Variants in CD209 observed in about 807,000 individuals in gnomAD.
CD209 encodes CD209 molecule.
CD209 carries 31 observed loss-of-function variants against 44.7 expected under a neutral mutation model. The observed-to-expected ratio is 0.69, with a 90% CI of 0.52 to 0.94. The LOEUF (loss-of-function observed/expected upper bound fraction) is 0.94, where lower values mean the gene tolerates loss of function less well. Among genes scored for constraint, CD209 ranks in the 40% least tolerant of loss-of-function variants. The pLI, the probability that CD209 is intolerant of heterozygous loss-of-function variation, is 0.00. For synonymous variants in CD209, 173 were observed against 181.3 expected, an observed-to-expected ratio of 0.95 and a Z score of 0.37; for missense variants, 407 against 452.4, an observed-to-expected ratio of 0.90 and a Z score of 0.91.
At chr19:7,747,193 C>T (rs2033867897) in intron 2 of CD209, 113 bp downstream of exon 2, 1 of 1,108,572 alleles carries the variant, frequency 9.0e-7, no homozygotes, top group Admixed American at 2.0e-5. Context: ...AGTCCAGGCC[C>T]CTAGCCCCAC....
At position 7,741,305 on chromosome 19, in the gene CD209, A is replaced by C; in HGVS notation, c.*1734T>G. 1 of 395,256 alleles carries C rather than the reference A, an allele frequency of 2.5e-6. No individual in the cohort carries two copies. 24.5% of individuals were successfully genotyped at this position (395,256 alleles called of 1,614,324 possible). A position where few individuals can be genotyped will look rare whatever the true frequency, so the allele number is the denominator to read the frequency against. ...GTCAACATGTTGAAACCCCGTCTCT[A>C]CCAAAAATACAAGAATTAGCTGGGC... On this transcript the variant is annotated 3_prime_UTR_variant, in exon 7 of 7. Coordinates refer to ENST00000315599, the MANE Select transcript of CD209 (RefSeq NM_021155.4).
At position 7,744,981 on chromosome 19, in the gene CD209, ACTT is replaced by A. The variant is rs1487878183; in HGVS notation, c.857_859del (p.Glu286del). The A allele has an allele frequency of 2.5e-6, 4 of 1,614,174 alleles. No homozygotes were observed. The highest frequency in any genetic ancestry group is 3.4e-6 in the Non-Finnish European group (4 of 1,180,044). ...TTTGATTACGACGAGCTGGGCCCCC[ACTT>A]CTTTGCAGGCGGTGATGGAGTCGTG... On this transcript the variant is annotated inframe_deletion, in exon 5 of 7. Coordinates refer to ENST00000315599, the MANE Select transcript of CD209 (RefSeq NM_021155.4).
chr19:7,740,457 A>T lies in CD209; in HGVS notation c.*2582T>A. On this transcript the variant is annotated 3_prime_UTR_variant, in exon 7 of 7. Coordinates refer to ENST00000315599, the MANE Select transcript of CD209 (RefSeq NM_021155.4). ...AGAGGGGCGGGGCGGTGCCGGCAAG[A>T]TGGCTGCGCCCGAAAAGGTGACATT... 1 of 778,126 alleles carries T rather than the reference A, an allele frequency of 1.3e-6. No individual in the cohort carries two copies. Among genetic ancestry groups the T allele is most frequent in the Non-Finnish European group, 2.3e-6 (1 of 437,478 alleles). 48.2% of individuals were successfully genotyped at this position (778,126 alleles called of 1,614,324 possible). A position where few individuals can be genotyped will look rare whatever the true frequency, so the allele number is the denominator to read the frequency against.
chr19:7,744,926 C>T lies in CD209; in HGVS notation c.900+15G>A. ...CCATGCCCTAGGCCAGGACGGGGAC[C>T]CCCACCAGGTGTACCTGCTCCTCAG... On this transcript the variant is annotated intron_variant, in intron 5 of 6. Transcript: ENST00000315599. 6.2e-7 allele frequency: 1 copy of T among 1,614,018 alleles called. No individual in the cohort carries two copies. The highest frequency in any genetic ancestry group is 1.3e-5 in the African/African-American group (1 of 75,066).
rs768329042 is a variant in CD209 at position 7,745,843 on chromosome 19, A to G, written c.423T>C (p.Ser141=). Residue 141 remains serine, a synonymous_variant, in exon 4 of 7, where the codon TCT becomes TCC. Coordinates refer to ENST00000315599, the MANE Select transcript of CD209 (RefSeq NM_021155.4). ...KAAVGELPEK[S]KLQEIYQELT... is the part of the protein sequence containing the mutation. ...GCTCCTGGTAGATCTCCTGCAGCTTAGATTTCTCTGGAAGCTCACCCACTG... is the reference window on the plus strand; with the variant it reads ...GCTCCTGGTAGATCTCCTGCAGCTTGGATTTCTCTGGAAGCTCACCCACTG... The G allele has an allele frequency of 3.7e-6, 6 of 1,603,144 alleles. No homozygotes were observed. Among genetic ancestry groups the G allele is most frequent in the African/African-American group, 1.4e-5 (1 of 71,676 alleles).
rs17159887 is a variant in CD209, at chr19:7,744,193, T to C, written c.927A>G (p.Arg309=). 15,427 of 1,614,038 alleles carry C rather than the reference T, an allele frequency of 9.6e-3. 549 individuals are homozygous for C. In the African/African-American group the frequency reaches 0.12, roughly 12 times the overall value. The part of the protein sequence containing the change: ...EQNFLQLQSS[R]SNRFTWMGLS... The stretch of plus-strand genomic sequence containing the variant: ...GTCCCATCCAGGTGAAGCGGTTACT[T>C]CTGGAAGACTGCAGCTGTAGGAAGT... The change falls in exon 6 of 7, where the codon AGA becomes AGG. Residue 309 remains arginine, a synonymous_variant. Transcript: ENST00000315599.
intron 5 of CD209, 123 bp from the exon 6 acceptor site, chr19:7,744,342 C>T (rs1257479806): frequency 2.8e-6 from 2 of 704,522 alleles, no homozygotes; most frequent in Non-Finnish European, 4.9e-6. Flanking sequence ...ATACTAGGTC[C>T]TGAGCCCCCT....
rs1236341725 is a variant in CD209, at chr19:7,742,000, T to C, written c.*1039A>G. 8.9e-6 allele frequency: 3 copies of C among 336,518 alleles called. No homozygotes were observed. The highest frequency in any genetic ancestry group is 1.8e-5 in the Non-Finnish European group (3 of 165,078). The allele number at this position is 336,518 out of a possible 1,614,324, so 20.8% of individuals were successfully genotyped here. On this transcript the variant is annotated 3_prime_UTR_variant, in exon 7 of 7. Transcript: ENST00000315599. ...ATTCACCTAGCAGAGGAAGAAATAGTGACCGCAGCGGGGGCCGGTGCAGCC... is the reference window on the plus strand; with the variant it reads ...ATTCACCTAGCAGAGGAAGAAATAGCGACCGCAGCGGGGGCCGGTGCAGCC...
At chr19:7,745,246 T>C (rs906016067) in intron 4 of CD209, among the ~76,000 whole-genome samples, 154 bp from the exon 5 acceptor site, 2 of 151,710 alleles carry the variant, frequency 1.3e-5, no homozygotes, top group Non-Finnish European at 2.9e-5. Context: ...CCCTCCCCCA[T>C]CCCCATGAGA....
At chr19:7,746,752 C>T (rs916606835) in intron 2 of CD209, among the ~76,000 whole-genome samples, 4 of 149,520 alleles carry the variant, frequency 2.7e-5, no homozygotes, top group African/African-American at 9.9e-5. Context: ...CAGGTACCTG[C>T]TTCCACCTCC....
chr19:7,743,506 C>G (rs932419129), intron 6 of CD209, among the ~76,000 whole-genome samples: 1 of 152,102 alleles, frequency 6.6e-6, no homozygotes, highest in Non-Finnish European at 1.5e-5. Flanking sequence ...CCTCCAGCGA[C>G]CTGCCTTACT....
In CD209 at chr19:7,744,984, T is replaced by C; in HGVS notation, c.857A>G (p.Glu286Gly). 2 of 1,614,204 alleles carry C rather than the reference T, an allele frequency of 1.2e-6. No individual in the cohort carries two copies. Among genetic ancestry groups the C allele is most frequent in the Non-Finnish European group, 1.7e-6 (2 of 1,180,020 alleles). ...NWHDSITACK[E>G]VGAQLVVIKS... ...GATTACGACGAGCTGGGCCCCCACT[T>C]CTTTGCAGGCGGTGATGGAGTCGTG... The change falls in exon 5 of 7, where the codon GAA (glutamate) becomes GGA (glycine). Residue 286 changes from glutamate (E) to glycine (G), a missense_variant. Transcript: ENST00000315599.
rs376627702 is a variant in CD209 at position 7,744,060 on chromosome 19, T to A, written c.1013+47A>T. ...CCCCAGGGAAAGTTCAAATCAGAGT[T>A]TCACAATTCCAGCCCCAGTGGATAG... On this transcript the variant is annotated intron_variant, in intron 6 of 6. Transcript: ENST00000315599. The A allele has an allele frequency of 1.7e-4, 250 of 1,448,980 alleles. 3 individuals carry two copies. The South Asian group carries it at 2.6e-3, about 15-fold the overall frequency. The allele number at this position is 1,448,980 out of a possible 1,614,324, so 89.8% of individuals were successfully genotyped here. A position where few individuals can be genotyped will look rare whatever the true frequency, so the allele number is the denominator to read the frequency against.
intron 2 of CD209, 37 bp from the exon 3 acceptor site, chr19:7,746,568 C>G: frequency 1.9e-6 from 3 of 1,600,896 alleles, no homozygotes; most frequent in East Asian, 2.2e-5. Flanking sequence ...GCCAGTGTCC[C>G]CACCGGAGCC....
In CD209 at chr19:7,746,037, T is replaced by C. The variant is rs1409153010; in HGVS notation, c.229A>G (p.Ile77Val). Residue 77 changes from isoleucine (I) to valine (V), a missense_variant, in exon 4 of 7, where the codon ATC (isoleucine) becomes GTC (valine). Transcript: ENST00000315599. ...ISQEQSRQDA[I>V]YQNLTQLKAA... ...TTAAGCTGGGTCAGGTTCTGGTAGA[T>C]CGCGTCTTGCCTGGATTGTTCCTGA... 6.2e-7 allele frequency: 1 copy of C among 1,614,244 alleles called. No individual in the cohort carries two copies.
At chr19:7,747,219 G>A (rs1223561504) in intron 2 of CD209, 87 bp downstream of exon 2, 5 of 1,391,142 alleles carry the variant, frequency 3.6e-6, no homozygotes, top group African/African-American at 1.4e-5. Context: ...CAGGACCCAA[G>A]AGTCCAGGCC....
Position 7,745,797 on chromosome 19 carries a change from C to T in CD209, c.469G>A (p.Val157Met), listed in dbSNP as rs756424156. ...TTAGATTTCTCTGGAAGCTCACCCA[C>T]TGCAGCCTTCAGCCAGGTCAGCTCC... is the stretch of plus-strand genomic sequence containing the variant. ...YQELTWLKAA[V>M]GELPEKSKMQ... Residue 157 changes from valine (V) to methionine (M), a missense_variant, in exon 4 of 7, where the codon GTG becomes ATG. Physicochemically the swap from Val to Met is conservative, Grantham distance 21. Around this residue, in one of 3 missense-constraint regions of CD209, gnomAD observed 85 missense variants for 139.9 expected, o/e 0.61. Coordinates refer to ENST00000315599, the MANE Select transcript of CD209 (RefSeq NM_021155.4). The T allele has an allele frequency of 3.7e-6, 6 of 1,608,476 alleles. No homozygotes were observed. The highest frequency in any genetic ancestry group is 5.1e-6 in the Non-Finnish European group (6 of 1,179,778).
At position 7,742,120 on chromosome 19, in the gene CD209, T is replaced by A. The variant is rs1300600511; in HGVS notation, c.*919A>T. The A allele has an allele frequency of 4.1e-6, 1 of 246,004 alleles. No homozygotes were observed. The highest frequency in any genetic ancestry group is 2.3e-5 in the African/African-American group (1 of 43,432). 15.2% of individuals were successfully genotyped at this position (246,004 alleles called of 1,614,324 possible). On this transcript the variant is annotated 3_prime_UTR_variant, in exon 7 of 7. Transcript: ENST00000315599. Reference sequence around the variant, plus strand: ...GGAGATCAGGTAGTAGAGACAGAACTGTTCAGAGTCCCAAATCCCAATAAA... The same window carrying A: ...GGAGATCAGGTAGTAGAGACAGAACAGTTCAGAGTCCCAAATCCCAATAAA...
Position 7,744,195 on chromosome 19 carries a change from T to C in CD209, c.925A>G (p.Arg309Gly), listed in dbSNP as rs373040894. Reference protein sequence around the residue: ...EQNFLQLQSSRSNRFTWMGLS... With the variant: ...EQNFLQLQSSGSNRFTWMGLS... Reference sequence around the variant, plus strand: ...CCCATCCAGGTGAAGCGGTTACTTCTGGAAGACTGCAGCTGTAGGAAGTTC... The same window carrying C: ...CCCATCCAGGTGAAGCGGTTACTTCCGGAAGACTGCAGCTGTAGGAAGTTC... The change falls in exon 6 of 7, where the codon AGA becomes GGA. Residue 309 changes from arginine to glycine, a missense_variant. Arg to Gly is a moderately radical substitution (Grantham distance 125). Coordinates refer to ENST00000315599, the MANE Select transcript of CD209 (RefSeq NM_021155.4). The C allele has an allele frequency of 1.5e-5, 25 of 1,613,958 alleles. No individual in the cohort carries two copies. Among genetic ancestry groups the C allele is most frequent in the Middle Eastern group, 1.6e-4 (1 of 6,084 alleles).
Sources: gnomAD v4.1 joint callset for allele counts (sites outside exome capture counted in the v4.1 genomes callset) on GRCh38, gnomAD v4.1.1 for gene constraint, gnomAD v4.1.1 regional missense constraint, MANE v1.5 for transcripts, NCBI Gene and HGNC (gene_info 2026-07-23, HGNC 2026-07-21) for gene names.